Variants in YLPM1 observed in about 807,000 individuals in gnomAD.
YLPM1 encodes the protein YLP motif containing 1, also known as YLP motif-containing protein 1.
YLPM1 carries 99 observed loss-of-function variants against 230.0 expected under a neutral mutation model. The ratio of observed to expected loss-of-function variants is 0.43; its 90% CI spans 0.37 to 0.51. The LOEUF is 0.51. Among genes scored for constraint, YLPM1 ranks in the 20% least tolerant of loss-of-function variants. The pLI, the probability that YLPM1 is intolerant of heterozygous loss-of-function variation, is 0.00. For missense variants in YLPM1, 2,592 were observed against 2,707.7 expected (o/e 0.96, Z 0.95); for synonymous variants, 984 against 942.5 (o/e 1.04, Z -0.81).
At chr14:74,812,000 C>T (rs1006420018) in intron 10 of YLPM1, among the ~76,000 whole-genome samples, 4 of 152,138 alleles carry the variant, frequency 2.6e-5, no homozygotes, top group Middle Eastern at 3.2e-3. Flanking sequence ...TCCTCTCATT[C>T]GCTCTTTACA....
At chr14:74,778,389 C>G in intron 1 of YLPM1, 58 bp from the exon 2 acceptor site, 2 of 1,467,530 alleles carry the variant, frequency 1.4e-6, no homozygotes, top group Middle Eastern at 3.5e-4. Flanking sequence ...TTGTCAACAC[C>G]AAGTTGCAGA....
At chr14:74,810,680 G>A (rs1453734386) in intron 9 of YLPM1, among the ~76,000 whole-genome samples, 2 of 151,736 alleles carry the variant, frequency 1.3e-5, no homozygotes, top group Non-Finnish European at 2.9e-5. Context: ...GTCATACTCA[G>A]TAGGCAAGCA....
In YLPM1 at chr14:74,780,488, C is replaced by T. The variant is rs762509010; in HGVS notation, c.1194C>T (p.Val398=). 30 of 1,613,820 alleles carry T rather than the reference C, an allele frequency of 1.9e-5. 1 individual carries two copies. The South Asian group carries it at 2.4e-4, about 13-fold the overall frequency. The part of the protein sequence containing the change: ...AHWQQHQQHR[V]GFQYQGIMQK... The stretch of plus-strand genomic sequence containing the variant: ...GGCAGCAGCACCAGCAGCATCGAGT[C>T]GGTTTCCAGTATCAGGGAATAATGC... The change falls in exon 3 of 21, where the codon GTC becomes GTT. Residue 398 remains valine, a synonymous_variant. Transcript: ENST00000325680.
At chr14:74,814,256 G>C (rs2091459263) in intron 11 of YLPM1, among the ~76,000 whole-genome samples, 1 of 152,174 alleles carries the variant, frequency 6.6e-6, no homozygotes, top group South Asian at 2.1e-4. Flanking sequence ...AGCTACTCAG[G>C]AGGCTAAGGC....
chr14:74,789,944 C>T (rs1193110828), intron 4 of YLPM1, among the ~76,000 whole-genome samples: 12 of 151,096 alleles, frequency 7.9e-5, no homozygotes, highest in African/African-American at 2.9e-4. Flanking sequence ...TTTAAACCTT[C>T]AAGAATGTAA....
Position 74,829,461 on chromosome 14 carries a change from T to C in YLPM1, c.6294+118T>C, listed in dbSNP as rs1021217456. Reference sequence around the variant, plus strand: ...ATTTTTAGAATGATTTAGTTTACGCTATGTCATGTATCCCAAGAAGGAGTC... The same window carrying C: ...ATTTTTAGAATGATTTAGTTTACGCCATGTCATGTATCCCAAGAAGGAGTC... On this transcript the variant is annotated intron_variant, in intron 19 of 20. Coordinates refer to ENST00000325680, the MANE Select transcript of YLPM1 (RefSeq NM_019589.3). The C allele has an allele frequency of 3.4e-4, 464 of 1,365,350 alleles. 3 individuals are homozygous for C. The highest frequency in any genetic ancestry group is 1.0e-3 in the Admixed American group (50 of 48,824). 84.6% of individuals were successfully genotyped at this position (1,365,350 alleles called of 1,614,324 possible).
chr14:74,793,613 T>C (rs1361049706), intron 4 of YLPM1, among the ~76,000 whole-genome samples: 1 of 152,218 alleles, frequency 6.6e-6, no homozygotes, highest in Admixed American at 6.5e-5. Flanking sequence ...TTCTTTCATT[T>C]TGGACGTGTT....
intron 1 of YLPM1, among the ~76,000 whole-genome samples, chr14:74,776,588 T>A (rs895056659): frequency 1.3e-5 from 2 of 152,224 alleles, no homozygotes; most frequent in Admixed American, 1.3e-4. Context: ...AATGTGTCTC[T>A]AAATAGACTG....
At chr14:74,790,628 A>C (rs1369827127) in intron 4 of YLPM1, among the ~76,000 whole-genome samples, 1 of 152,198 alleles carries the variant, frequency 6.6e-6, no homozygotes, top group African/African-American at 2.4e-5. Context: ...AACTATACAA[A>C]TAAACACTTT....
In YLPM1 at chr14:74,799,156, G is replaced by A; in HGVS notation, c.3859G>A (p.Asp1287Asn). Residue 1287 changes from aspartate to asparagine, a missense_variant, in exon 5 of 21, where the codon GAC becomes AAC. Physicochemically the swap from Asp to Asn is conservative, Grantham distance 23. Coordinates refer to ENST00000325680, the MANE Select transcript of YLPM1 (RefSeq NM_019589.3). ...DYNREMERDM[D>N]RDVDRISRPM... ...CAATAGGGAAATGGAAAGGGACATG[G>A]ACAGGGATGTGGATCGGATTTCAAG... 6.2e-7 allele frequency: 1 copy of A among 1,613,918 alleles called. No homozygotes were observed. Among genetic ancestry groups the A allele is most frequent in the Non-Finnish European group, 8.5e-7 (1 of 1,179,850 alleles).
chr14:74,781,189 T>C (rs1016419557), intron 3 of YLPM1, 145 bp from the exon 4 acceptor site: 27 of 923,514 alleles, frequency 2.9e-5, no homozygotes, highest in Non-Finnish European at 3.9e-5. Flanking sequence ...CTCAAAGAAC[T>C]TAACGAACTT....
At chr14:74,771,980 T>G (rs2090981017) in intron 1 of YLPM1, among the ~76,000 whole-genome samples, 1 of 152,224 alleles carries the variant, frequency 6.6e-6, no homozygotes, top group East Asian at 1.9e-4. Flanking sequence ...ATTCATTATT[T>G]TACCAGGTGT....
intron 1 of YLPM1, among the ~76,000 whole-genome samples, chr14:74,768,359 G>T (rs1430760638): frequency 6.6e-6 from 1 of 151,920 alleles, no homozygotes; most frequent in Non-Finnish European, 1.5e-5. Flanking sequence ...AAACAATTCT[G>T]CCCTAGCCTC....
At position 74,809,403 on chromosome 14, in the gene YLPM1, C is replaced by G. The variant is rs112597398; in HGVS notation, c.4545C>G (p.Pro1515=). 252 of 1,609,148 alleles carry G rather than the reference C, an allele frequency of 1.6e-4. 2 individuals are homozygous for G. The highest frequency in any genetic ancestry group is 2.0e-4 in the Non-Finnish European group (233 of 1,177,522). ...MYPPPGSYRP[P]PPMGKPPGSI... ...AGCCTCCAGGGTCGTATAGACCTCC[C>G]CCTCCTATGGGCAAACCACCAGGTT... The change falls in exon 7 of 21, where the codon CCC becomes CCG. Residue 1515 remains proline, a synonymous_variant. Coordinates refer to ENST00000325680, the MANE Select transcript of YLPM1 (RefSeq NM_019589.3).
At chr14:74,772,016 T>C (rs1319703761) in intron 1 of YLPM1, among the ~76,000 whole-genome samples, 1 of 152,164 alleles carries the variant, frequency 6.6e-6, no homozygotes, top group Non-Finnish European at 1.5e-5. Flanking sequence ...CTTTAGAATA[T>C]AAGACATAGA....
rs573055690 is a variant in YLPM1, at chr14:74,798,788, G to A, written c.3491G>A (p.Arg1164His). The change falls in exon 5 of 21, where the codon CGT becomes CAT. Residue 1164 changes from arginine (R) to histidine (H), a missense_variant. Arg to His is a conservative substitution (Grantham distance 29). Transcript: ENST00000325680. ...GGACTGGGAAGATCAGATTTTGGTC[G>A]TGATAGAGGTCCATTCAGACCAGAA... ...ERGLGRSDFGRDRGPFRPEPG... is the reference protein window; with the variant it reads ...ERGLGRSDFGHDRGPFRPEPG... 1.2e-5 allele frequency: 20 copies of A among 1,613,796 alleles called. No homozygotes were observed. The highest frequency in any genetic ancestry group is 4.5e-5 in the East Asian group (2 of 44,882).
chr14:74,835,858 T>G lies in YLPM1; in HGVS notation c.*120T>G, dbSNP rs2091639762. 2.2e-6 allele frequency: 1 copy of G among 456,434 alleles called. No individual in the cohort carries two copies. The highest frequency in any genetic ancestry group is 1.5e-5 in the South Asian group (1 of 64,556). The allele number at this position is 456,434 out of a possible 1,614,324, so 28.3% of individuals were successfully genotyped here. On this transcript the variant is annotated 3_prime_UTR_variant, in exon 21 of 21. Transcript: ENST00000325680. Reference sequence around the variant, plus strand: ...CTTGCTTCCACGTTTCAGTTCTTGTTTTGTTTCTACTGCTTTAGTTTTTTT... The same window carrying G: ...CTTGCTTCCACGTTTCAGTTCTTGTGTTGTTTCTACTGCTTTAGTTTTTTT...
intron 1 of YLPM1, among the ~76,000 whole-genome samples, chr14:74,768,900 T>G (rs182960777): frequency 2.4e-4 from 36 of 148,058 alleles, no homozygotes; most frequent in African/African-American, 8.4e-4. Flanking sequence ...TTGTTTTTTG[T>G]TTTTTTTTTA....
chr14:74,768,212 T>C (rs1470500250), intron 1 of YLPM1, among the ~76,000 whole-genome samples: 1 of 152,150 alleles, frequency 6.6e-6, no homozygotes, highest in African/African-American at 2.4e-5. Context: ...TTTTCTAGTT[T>C]TTCGGGTAAA....
Sources: gnomAD v4.1 joint callset for allele counts (sites outside exome capture counted in the v4.1 genomes callset) on GRCh38, gnomAD v4.1.1 for gene constraint, MANE v1.5 for transcripts, NCBI Gene and HGNC (gene_info 2026-07-23, HGNC 2026-07-21) for gene names.